PTPRQ: variants seen among roughly 807,000 people sequenced by gnomAD.
PTPRQ encodes phosphatidylinositol phosphatase PTPRQ.
In PTPRQ, 199 loss-of-function variants were observed where a neutral mutation model predicts 246.0. The observed-to-expected ratio is 0.81, with a 90% CI of 0.72 to 0.91. The LOEUF is 0.91. Ranked by LOEUF, PTPRQ falls within the 40% of genes least tolerant of loss-of-function variation. The pLI is 0.00. For synonymous variants in PTPRQ, 869 were observed against 853.2 expected (o/e 1.02, Z -0.32); for missense variants, 2,624 against 2,528.4 (o/e 1.04, Z -0.81).
chr12:80,542,651 C>A lies in PTPRQ; in HGVS notation c.3722-79C>A. Reference sequence around the variant, plus strand: ...TTTATAAATCTTTTTAAACTAGTGTCTTCAAGAAAGTAAGTCACGGTGCTA... The same window carrying A: ...TTTATAAATCTTTTTAAACTAGTGTATTCAAGAAAGTAAGTCACGGTGCTA... On this transcript the variant is annotated intron_variant, in intron 22 of 44. Transcript: ENST00000644991. The A allele has an allele frequency of 4.9e-6, 7 of 1,427,182 alleles. No individual in the cohort carries two copies. The South Asian group carries it at 1.0e-4, about 21-fold the overall frequency. The allele number at this position is 1,427,182 out of a possible 1,614,324, so 88.4% of individuals were successfully genotyped here.
At chr12:80,510,527 T>A in intron 17 of PTPRQ, 84 bp downstream of exon 17, 1 of 1,300,670 alleles carries the variant, frequency 7.7e-7, no homozygotes, top group Non-Finnish European at 1.0e-6. Flanking sequence ...GATTTCAGAA[T>A]GTGGTGCTAC....
chr12:80,590,472 C>A, intron 26 of PTPRQ, among the ~76,000 whole-genome samples: 1 of 151,842 alleles, frequency 6.6e-6, no homozygotes, highest in Middle Eastern at 3.2e-3. Flanking sequence ...TCGAGACTAT[C>A]CTGGCTAACA....
intron 17 of PTPRQ, among the ~76,000 whole-genome samples, chr12:80,530,719 T>A (rs1237139095): frequency 1.3e-5 from 2 of 152,186 alleles, no homozygotes; most frequent in Non-Finnish European, 2.9e-5. Flanking sequence ...AAAATCTAAC[T>A]ATATTTATAA....
chr12:80,627,345 TATAATAATAATAATAATA>T (rs10646490), intron 33 of PTPRQ, among the ~76,000 whole-genome samples: 2 of 143,314 alleles, frequency 1.4e-5, no homozygotes, highest in African/African-American at 2.6e-5. Context: ...ACTCAATTTT[TATAATAATAATAATAATA>T]ATAATAATAA....
chr12:80,554,108 G>A (rs1896572066), intron 25 of PTPRQ, among the ~76,000 whole-genome samples: 1 of 151,928 alleles, frequency 6.6e-6, no homozygotes, highest in African/African-American at 2.4e-5. Context: ...GGATGGTTAA[G>A]GATACAAAAA....
chr12:80,458,731 GATT>G (rs745943547), intron 4 of PTPRQ, among the ~76,000 whole-genome samples: 126 of 151,694 alleles, frequency 8.3e-4, no homozygotes, highest in African/African-American at 2.8e-3. Flanking sequence ...ATAGAACTCA[GATT>G]ATTATTATTA....
chr12:80,468,346 A>C (rs1459022173), intron 6 of PTPRQ, among the ~76,000 whole-genome samples: 1 of 152,152 alleles, frequency 6.6e-6, no homozygotes, highest in Non-Finnish European at 1.5e-5. Flanking sequence ...AGATATCCAG[A>C]CTTTGTTCAT....
chr12:80,524,796 G>A (rs1318684737), intron 17 of PTPRQ, among the ~76,000 whole-genome samples: 1 of 152,060 alleles, frequency 6.6e-6, no homozygotes. Context: ...TAAGGACACA[G>A]GTAAGGTTAC....
At position 80,558,061 on chromosome 12, in the gene PTPRQ, TCCTTC is replaced by T. The variant is rs553586738; in HGVS notation, c.4285+8341_4285+8345del. ...TCTCTCTCTTTCTCCCTTCCTCCCT[TCCTTC>T]CCTTCCCTTCCCTCCCCTTCCCTCC... On this transcript the variant is annotated intron_variant, in intron 25 of 44. Coordinates refer to ENST00000644991, the MANE Select transcript of PTPRQ (RefSeq NM_001145026.2). 4.0e-5 allele frequency among the ~76,000 whole-genome samples: 6 copies of T among 150,240 alleles called. No homozygotes were observed. In the East Asian group the frequency reaches 5.9e-4, roughly 15 times the overall value.
At chr12:80,540,531 T>C (rs1896121266) in intron 20 of PTPRQ, among the ~76,000 whole-genome samples, 1 of 152,154 alleles carries the variant, frequency 6.6e-6, no homozygotes, top group South Asian at 2.1e-4. Context: ...ATTTTTCTTG[T>C]AGTTGTTTCT....
intron 35 of PTPRQ, among the ~76,000 whole-genome samples, chr12:80,641,804 T>A (rs1193725527): frequency 6.6e-6 from 1 of 152,042 alleles, no homozygotes; most frequent in Non-Finnish European, 1.5e-5. Flanking sequence ...TCTTTCTTCA[T>A]CATCATAAAA....
rs7958020 is a variant in PTPRQ, at chr12:80,469,083, T to G, written c.1039+245T>G. On this transcript the variant is annotated intron_variant, in intron 7 of 44. Coordinates refer to ENST00000644991, the MANE Select transcript of PTPRQ (RefSeq NM_001145026.2). ...TGTGATGCATGTGAAAAACTAGAGA[T>G]AACTCCTCAAGAAAAAAGTGTTAGT... is the stretch of plus-strand genomic sequence containing the variant. Among the ~76,000 whole-genome samples the G allele has an allele frequency of 0.097, 14,709 of 152,198 alleles. 1,512 individuals carry two copies. Among genetic ancestry groups the G allele is most frequent in the African/African-American group, 0.25 (10,497 of 41,498 alleles).
chr12:80,578,819 T>C (rs914863463), intron 25 of PTPRQ, among the ~76,000 whole-genome samples: 2 of 152,196 alleles, frequency 1.3e-5, no homozygotes, highest in Non-Finnish European at 2.9e-5. Flanking sequence ...GGTTTCAGTA[T>C]CAGAGATTAT....
At chr12:80,583,054 A>T (rs1897496920) in intron 25 of PTPRQ, among the ~76,000 whole-genome samples, 1 of 151,908 alleles carries the variant, frequency 6.6e-6, no homozygotes, top group Admixed American at 6.6e-5. Context: ...AATGTGTGAC[A>T]CTCTTCTTCT....
intron 38 of PTPRQ, among the ~76,000 whole-genome samples, chr12:80,656,340 A>G (rs1017145769): frequency 6.6e-6 from 1 of 152,132 alleles, no homozygotes. Context: ...AGAGGATTAT[A>G]CAAAATCTGT....
intron 35 of PTPRQ, among the ~76,000 whole-genome samples, chr12:80,642,184 G>A (rs953124721): frequency 3.9e-5 from 6 of 152,090 alleles, no homozygotes; most frequent in Non-Finnish European, 8.8e-5. Context: ...TCCAAATCCA[G>A]TTTTCTGAGG....
At chr12:80,455,594 G>T (rs1409125097) in intron 3 of PTPRQ, among the ~76,000 whole-genome samples, 1 of 135,034 alleles carries the variant, frequency 7.4e-6, no homozygotes. Flanking sequence ...TTACATAGTT[G>T]TTTTTTTTTT....
rs1207755843 is a variant in PTPRQ at position 80,546,578 on chromosome 12, A to C, written c.3896A>C (p.Glu1299Ala). The change falls in exon 24 of 45, where the codon GAA becomes GCA. Residue 1299 changes from glutamate (E) to alanine (A), a missense_variant. Coordinates refer to ENST00000644991, the MANE Select transcript of PTPRQ (RefSeq NM_001145026.2). ...CAGAATATATCAGGATTTAAAACTG[A>C]AGCCAAACTTGTTGGACTGGAACCA... ...YYKNISGFKT[E>A]AKLVGLEPVS... is the part of the protein sequence containing the mutation. 1.3e-6 allele frequency: 2 copies of C among 1,548,686 alleles called. No homozygotes were observed. Among genetic ancestry groups the C allele is most frequent in the Admixed American group, 4.0e-5 (2 of 50,372 alleles).
At chr12:80,611,499 C>T (rs534568524) in intron 28 of PTPRQ, among the ~76,000 whole-genome samples, 1 of 150,200 alleles carries the variant, frequency 6.7e-6, no homozygotes. Context: ...TCCATTTGTT[C>T]CTATTCGTCT....
Sources: allele counts gnomAD v4.1 joint callset (sites outside exome capture counted in the v4.1 genomes callset), GRCh38; gene constraint gnomAD v4.1.1; transcripts MANE v1.5; gene names NCBI Gene and HGNC (gene_info 2026-07-23, HGNC 2026-07-21).